The following MECR variants were observed in gnomAD, a reference collection of about 807,000 sequenced individuals.
MECR encodes enoyl-[acyl-carrier-protein] reductase, mitochondrial.
MECR carries 37 observed loss-of-function variants against 49.1 expected under a neutral mutation model. That is an observed-to-expected ratio of 0.75 (90% CI 0.58 to 0.99). The LOEUF is 0.99. Among genes scored for constraint, MECR ranks in the 50% least tolerant of loss-of-function variants. The pLI is 0.00. For missense variants in MECR, 470 were observed against 479.6 expected (o/e 0.98, Z 0.19); for synonymous variants, 198 against 191.1 (o/e 1.04, Z -0.30).
At chr1:29,204,730 TA>T (rs1676155414) in intron 4 of MECR, among the ~76,000 whole-genome samples, 1 of 152,128 alleles carries the variant, frequency 6.6e-6, no homozygotes, top group Non-Finnish European at 1.5e-5. Flanking sequence ...CTAGATCTGT[TA>T]CTACAGCTGC....
chr1:29,222,694 G>A (rs1211988517), intron 1 of MECR, among the ~76,000 whole-genome samples: 1 of 152,182 alleles, frequency 6.6e-6, no homozygotes, highest in Non-Finnish European at 1.5e-5. Context: ...ACTGAAGTGG[G>A]AGAGAAGGAG....
At chr1:29,177,891 A>C in the MECR span, among the ~76,000 whole-genome samples, 1 of 138,582 alleles carries the variant, frequency 7.2e-6, no homozygotes. Context: ...CTATTACACA[A>C]GATTTTTTTT....
intron 1 of MECR, chr1:29,223,366 T>C (rs1477484684): frequency 2.3e-6 from 2 of 862,474 alleles, no homozygotes; most frequent in Non-Finnish European, 2.8e-6. Flanking sequence ...ACAGTTATAC[T>C]TGCTGTGTAA....
the MECR span, among the ~76,000 whole-genome samples, chr1:29,182,194 A>T: frequency 6.6e-6 from 1 of 152,298 alleles, no homozygotes; most frequent in Non-Finnish European, 1.5e-5. Context: ...TTGTCCTTTG[A>T]ACCGGGTGTG....
At chr1:29,186,439 G>A in the MECR span, among the ~76,000 whole-genome samples, 1 of 152,116 alleles carries the variant, frequency 6.6e-6, no homozygotes, top group Non-Finnish European at 1.5e-5. Context: ...TAATTACCTG[G>A]TTTATTTATT....
the MECR span, among the ~76,000 whole-genome samples, chr1:29,174,556 T>C: frequency 1.3e-5 from 2 of 151,388 alleles, no homozygotes; most frequent in African/African-American, 4.9e-5. Flanking sequence ...AGGAAAAGGA[T>C]CAGGCTGTTA....
rs1675377107 is a variant in MECR at position 29,201,795 on chromosome 1, AG to A, written c.756+147del. 1 of 720,644 alleles carries A rather than the reference AG, an allele frequency of 1.4e-6. No homozygotes were observed. 44.6% of individuals were successfully genotyped at this position (720,644 alleles called of 1,614,324 possible). ...AATGCGTGCTGCCTGCCGCCTGGCTAGGGGGAATGGGCTTTAACCAACCAAG... is the reference window on the plus strand; with the variant it reads ...AATGCGTGCTGCCTGCCGCCTGGCTAGGGGAATGGGCTTTAACCAACCAAG... On this transcript the variant is annotated intron_variant, in intron 6 of 9. Transcript: ENST00000263702. This position sits in a 1 kb window ranked among gnomAD's most constrained non-coding sequence, Gnocchi z 4.3.
chr1:29,223,179 CG>C, intron 1 of MECR: 1 of 985,390 alleles, frequency 1.0e-6, no homozygotes, highest in African/African-American at 1.7e-5. Flanking sequence ...CCATGCAACT[CG>C]AGGGGATGCC....
At chr1:29,172,230 CTA>C in the MECR span, 1 of 152,090 alleles carries the variant, frequency 6.6e-6, no homozygotes, top group African/African-American at 2.4e-5. Context: ...AGTCCTATCT[CTA>C]TTTATTATTC....
At chr1:29,211,687 C>T (rs868361561) in intron 3 of MECR, among the ~76,000 whole-genome samples, 4 of 128,896 alleles carry the variant, frequency 3.1e-5, no homozygotes, top group Admixed American at 7.8e-5. Flanking sequence ...GGTCATACAG[C>T]GGAGCTGGAA....
chr1:29,201,593 GA>G lies in MECR; in HGVS notation c.756+349del. 2 of 463,600 alleles carry G rather than the reference GA, an allele frequency of 4.3e-6. No individual in the cohort carries two copies. Among genetic ancestry groups the G allele is most frequent in the South Asian group, 3.7e-5 (2 of 53,524 alleles). 28.7% of individuals were successfully genotyped at this position (463,600 alleles called of 1,614,324 possible). A position where few individuals can be genotyped will look rare whatever the true frequency, so the allele number is the denominator to read the frequency against. ...GATAAAATGTAAGGCAGGTGGTTGG[GA>G]AAGGTTACTTCTTTTCTTTCTCTTT... On this transcript the variant is annotated intron_variant, in intron 6 of 9. Coordinates refer to ENST00000263702, the MANE Select transcript of MECR (RefSeq NM_016011.5). This position sits in a 1 kb window ranked among gnomAD's most constrained non-coding sequence, Gnocchi z 4.3.
At chr1:29,207,538 A>G (rs1216948473) in intron 3 of MECR, among the ~76,000 whole-genome samples, 1 of 151,690 alleles carries the variant, frequency 6.6e-6, no homozygotes, top group Non-Finnish European at 1.5e-5. Context: ...CCAGGAGCTC[A>G]AGACCAGCCT....
At chr1:29,207,223 G>A (rs1449902097) in intron 3 of MECR, among the ~76,000 whole-genome samples, 3 of 152,082 alleles carry the variant, frequency 2.0e-5, no homozygotes, top group African/African-American at 2.4e-5. Flanking sequence ...CTGGGTTCGT[G>A]ATTCTTATGC....
the MECR span, among the ~76,000 whole-genome samples, chr1:29,179,899 T>C: frequency 6.6e-6 from 1 of 152,226 alleles, no homozygotes; most frequent in African/African-American, 2.4e-5. Flanking sequence ...ATCAATACAT[T>C]TGGTTGATGA....
At position 29,193,570 on chromosome 1, in the gene MECR, G is replaced by T; in HGVS notation, c.*452C>A. The T allele has an allele frequency of 6.0e-6, 1 of 165,632 alleles. No homozygotes were observed. Among genetic ancestry groups the T allele is most frequent in the Admixed American group, 5.6e-5 (1 of 17,832 alleles). 10.3% of individuals were successfully genotyped at this position (165,632 alleles called of 1,614,324 possible). On this transcript the variant is annotated 3_prime_UTR_variant, in exon 10 of 10. Transcript: ENST00000263702. ...CCCCAAGCCCTGGACTGGGCCGCAG[G>T]CTACCTGAGAAGCACATCAAAGCGT...
chr1:29,189,221 G>A (rs1421256470), downstream of MECR, among the ~76,000 whole-genome samples: 2 of 143,278 alleles, frequency 1.4e-5, no homozygotes, highest in Non-Finnish European at 2.9e-5. Flanking sequence ...ACAGGTGTGA[G>A]CCACTGTGTC....
rs373400899 is a variant in MECR at position 29,194,088 on chromosome 1, G to C, written c.1056C>G (p.Asp352Glu). ...APACSQVPLQ[D>E]YQSALEASMK... ...TGGAGGCTTCCAAGGCAGACTGGTA[G>C]TCCTGCAGCGGGACCTGGGAGCAGG... The change falls in exon 10 of 10, where the codon GAC (aspartate) becomes GAG (glutamate). Residue 352 changes from aspartate (D) to glutamate (E), a missense_variant. Coordinates refer to ENST00000263702, the MANE Select transcript of MECR (RefSeq NM_016011.5). The C allele has an allele frequency of 7.6e-5, 122 of 1,614,128 alleles. No individual in the cohort carries two copies. The South Asian group carries it at 1.1e-3, about 15-fold the overall frequency.
the MECR span, among the ~76,000 whole-genome samples, chr1:29,174,309 T>A: frequency 6.6e-6 from 1 of 152,202 alleles, no homozygotes; most frequent in African/African-American, 2.4e-5. Flanking sequence ...AAAATGTGTA[T>A]ATGCTTTGAC....
chr1:29,184,575 G>A, the MECR span, among the ~76,000 whole-genome samples: 3 of 152,064 alleles, frequency 2.0e-5, no homozygotes, highest in South Asian at 2.1e-4. Context: ...TCAACATGGG[G>A]AAACCCCATC....
Sources: allele counts gnomAD v4.1 joint callset (sites outside exome capture counted in the v4.1 genomes callset), GRCh38; gene constraint gnomAD v4.1.1; non-coding constraint Gnocchi (gnomAD v3.1); transcripts MANE v1.5; gene names NCBI Gene and HGNC (gene_info 2026-07-23, HGNC 2026-07-21).